The following PDE4D variants were observed in gnomAD, a reference collection of about 807,000 sequenced individuals.
PDE4D encodes the protein phosphodiesterase 4D, also known as 3',5'-cyclic-AMP phosphodiesterase 4D.
In PDE4D, 24 loss-of-function variants were observed where a neutral mutation model predicts 87.4. The ratio of observed to expected loss-of-function variants is 0.27; its 90% CI spans 0.20 to 0.39. The LOEUF is 0.39. Ranked by LOEUF, PDE4D falls within the 10% of genes least tolerant of loss-of-function variation. The pLI is 1.00. For missense variants in PDE4D, 714 were observed against 1,041.0 expected, an observed-to-expected ratio of 0.69 and a Z score of 4.32; for synonymous variants, 384 against 383.2, an observed-to-expected ratio of 1.00 and a Z score of -0.02.
intron 5 of PDE4D, among the ~76,000 whole-genome samples, chr5:59,167,504 A>G (rs116039937): frequency 2.0e-3 from 301 of 152,166 alleles, no homozygotes; most frequent in African/African-American, 6.7e-3. Context: ...TCTTTTACCA[A>G]TCTCAGCCCT....
In PDE4D at chr5:59,254,780, AAGCT is replaced by A. The variant is rs140942523; in HGVS notation, c.456-38816_456-38813del. ...CAAACGTGTAGCCACCTCTTCCTCA[AAGCT>A]AGCAACTTCTACCATCACCTTAAGT... On this transcript the variant is annotated intron_variant, in intron 1 of 14. Coordinates refer to ENST00000340635, the MANE Select transcript of PDE4D (RefSeq NM_001104631.2). 1.8e-3 allele frequency among the ~76,000 whole-genome samples: 273 copies of A among 152,238 alleles called. 2 individuals carry two copies. The highest frequency in any genetic ancestry group is 6.1e-3 in the African/African-American group (253 of 41,564).
At chr5:59,137,651 C>T (rs1777292152) in intron 5 of PDE4D, among the ~76,000 whole-genome samples, 2 of 151,980 alleles carry the variant, frequency 1.3e-5, no homozygotes, top group Non-Finnish European at 2.9e-5. Flanking sequence ...CTCAGCCTCC[C>T]TAGTAGCTGG....
chr5:59,568,455 T>G (rs1258635990), intron 1 of PDE4D, among the ~76,000 whole-genome samples: 1 of 152,090 alleles, frequency 6.6e-6, no homozygotes, highest in Non-Finnish European at 1.5e-5. Flanking sequence ...CTCTTAAGTG[T>G]GGGTTGTTTA....
Position 59,235,427 on chromosome 5 carries a change from A to G in PDE4D, c.456-19459T>C, listed in dbSNP as rs1302064795. Among the ~76,000 whole-genome samples the G allele has an allele frequency of 3.3e-5, 5 of 152,118 alleles. 1 individual carries two copies. Among genetic ancestry groups the G allele is most frequent in the African/African-American group, 1.2e-4 (5 of 41,410 alleles). ...CTGGGCAATAAGTGATGGGATTGGGAGTGTAGATTTTTATCCTTATTTGCT... is the reference window on the plus strand; with the variant it reads ...CTGGGCAATAAGTGATGGGATTGGGGGTGTAGATTTTTATCCTTATTTGCT... On this transcript the variant is annotated intron_variant, in intron 1 of 14. Transcript: ENST00000340635.
chr5:59,574,133 T>A (rs1433400142), intron 1 of PDE4D, among the ~76,000 whole-genome samples: 140 of 3,630 alleles, frequency 0.039, 3 homozygotes, highest in African/African-American at 0.067. Context: ...TATATTTATA[T>A]ATATATATAT....
At chr5:59,819,844 A>G (rs1581251137) in intron 1 of PDE4D, among the ~76,000 whole-genome samples, 1 of 152,236 alleles carries the variant, frequency 6.6e-6, no homozygotes, top group East Asian at 1.9e-4. Flanking sequence ...AGCGTGTGCA[A>G]ATTAGAACTG....
chr5:59,841,962 G>C (rs16890269), intron 1 of PDE4D, among the ~76,000 whole-genome samples: 13,891 of 151,994 alleles, frequency 0.091, 774 homozygotes, highest in Middle Eastern at 0.17. Context: ...GGAGGGATAA[G>C]TAGGAGCCAG....
intron 1 of PDE4D, among the ~76,000 whole-genome samples, chr5:59,746,308 G>A (rs1225333582): frequency 6.6e-6 from 1 of 152,126 alleles, no homozygotes; most frequent in Non-Finnish European, 1.5e-5. Flanking sequence ...GCCAAGATGT[G>A]AGAATAATAT....
intron 1 of PDE4D, among the ~76,000 whole-genome samples, chr5:59,240,122 A>T (rs1223522084): frequency 1.3e-5 from 2 of 152,138 alleles, no homozygotes; most frequent in African/African-American, 4.8e-5. Context: ...CAGCCATGAC[A>T]CAACCTTCTC....
chr5:59,412,406 G>A (rs1365933203), intron 1 of PDE4D, among the ~76,000 whole-genome samples: 2 of 152,136 alleles, frequency 1.3e-5, no homozygotes, highest in African/African-American at 4.8e-5. Context: ...ACTCCCCTCT[G>A]CGGTAGTTAC....
intron 1 of PDE4D, among the ~76,000 whole-genome samples, chr5:59,725,294 C>G (rs1025731894): frequency 2.6e-5 from 4 of 152,078 alleles, no homozygotes; most frequent in Non-Finnish European, 5.9e-5. Context: ...ACTTGTTTCC[C>G]TGAGTTTTGC....
intron 2 of PDE4D, among the ~76,000 whole-genome samples, chr5:60,030,222 G>A (rs572626257): frequency 2.0e-5 from 3 of 151,622 alleles, no homozygotes; most frequent in African/African-American, 4.8e-5. Flanking sequence ...AGGCCGAGGC[G>A]GGTGGATCAT....
intron 1 of PDE4D, among the ~76,000 whole-genome samples, chr5:59,737,240 G>T (rs1237447154): frequency 6.6e-6 from 1 of 152,038 alleles, no homozygotes; most frequent in Non-Finnish European, 1.5e-5. Context: ...GAGGGCATTT[G>T]GAATAATCTT....
chr5:59,459,181 AAAC>A (rs1800369900), intron 1 of PDE4D, among the ~76,000 whole-genome samples: 2 of 152,224 alleles, frequency 1.3e-5, no homozygotes, highest in African/African-American at 4.8e-5. Context: ...GTTAAAGTTT[AAAC>A]AATAGTGTTT....
chr5:59,668,820 AAG>A (rs1491143232), intron 1 of PDE4D, among the ~76,000 whole-genome samples: 6 of 93,088 alleles, frequency 6.4e-5, no homozygotes, highest in African/African-American at 3.4e-4. Context: ...GAAGAAGAAG[AAG>A]AAGAAGAAGA....
chr5:60,427,377 G>A (rs1027130113), intron 1 of PDE4D, among the ~76,000 whole-genome samples: 1 of 152,162 alleles, frequency 6.6e-6, no homozygotes, highest in Non-Finnish European at 1.5e-5. Context: ...AAACAGTGGG[G>A]ACTGAAAACC....
At chr5:59,201,151 CATTT>C (rs1249948428) in intron 2 of PDE4D, among the ~76,000 whole-genome samples, 1 of 151,890 alleles carries the variant, frequency 6.6e-6, no homozygotes, top group Non-Finnish European at 1.5e-5. Context: ...AATTTCAGTT[CATTT>C]ATCATTCATT....
At chr5:60,110,977 T>C (rs1777614556) in intron 2 of PDE4D, among the ~76,000 whole-genome samples, 1 of 151,806 alleles carries the variant, frequency 6.6e-6, no homozygotes, top group Non-Finnish European at 1.5e-5. Flanking sequence ...GGTAGTAAAG[T>C]AGAATTGTGG....
chr5:59,103,383 C>G (rs564643911), intron 5 of PDE4D, among the ~76,000 whole-genome samples: 20 of 152,218 alleles, frequency 1.3e-4, no homozygotes, highest in African/African-American at 4.6e-4. Flanking sequence ...AACTGGCAAT[C>G]CTCAGGCCAG....
Sources: allele counts gnomAD v4.1 joint callset (sites outside exome capture counted in the v4.1 genomes callset), GRCh38; gene constraint gnomAD v4.1.1; transcripts MANE v1.5; gene names NCBI Gene and HGNC (gene_info 2026-07-23, HGNC 2026-07-21).